Variants in MIA2 observed in about 807,000 individuals in gnomAD.
MIA2 encodes MIA SH3 domain ER export factor 2, also known as melanoma inhibitory activity protein 2.
In MIA2, 127 loss-of-function variants were observed where a neutral mutation model predicts 167.8. The observed-to-expected ratio is 0.76, with a 90% CI of 0.66 to 0.88. The LOEUF is 0.88. Ranked by LOEUF, MIA2 falls within the 40% of genes least tolerant of loss-of-function variation. The pLI is 0.00. For synonymous variants in MIA2, 552 were observed against 541.9 expected, an observed-to-expected ratio of 1.02 and a Z score of -0.26; for missense variants, 1,690 against 1,624.7, an observed-to-expected ratio of 1.04 and a Z score of -0.69.
At chr14:39,312,308 A>G (rs1204616027) in intron 18 of MIA2, among the ~76,000 whole-genome samples, 1 of 152,232 alleles carries the variant, frequency 6.6e-6, no homozygotes, top group African/African-American at 2.4e-5. Context: ...TCTCTCTTCC[A>G]TATCCATGCC....
At chr14:39,315,315 A>T (rs1007424110) in intron 20 of MIA2, 13 of 167,104 alleles carry the variant, frequency 7.8e-5, no homozygotes, top group East Asian at 1.7e-4. Flanking sequence ...AAAAAAAAAA[A>T]AAATAAAATA....
intron 18 of MIA2, 94 bp downstream of exon 18, chr14:39,308,681 T>G: frequency 9.8e-7 from 1 of 1,016,546 alleles, no homozygotes; most frequent in Non-Finnish European, 1.4e-6. Flanking sequence ...TTGAAAGTTC[T>G]CAATTTATGA....
At chr14:39,385,636 C>G in intron 23 of MIA2, 1 of 845,772 alleles carries the variant, frequency 1.2e-6, no homozygotes, top group Non-Finnish European at 2.1e-6. Context: ...TAATATTCTT[C>G]TGGATGTTAG....
chr14:39,336,943 A>G (rs2070556015), intron 25 of MIA2, among the ~76,000 whole-genome samples: 1 of 151,950 alleles, frequency 6.6e-6, no homozygotes. Context: ...GTTTTTGGAG[A>G]CAGGTTTTTG....
At chr14:39,355,478 T>C (rs141904725), downstream of MIA2, among the ~76,000 whole-genome samples, 4,814 of 152,234 alleles carry the variant, frequency 0.032, 275 homozygotes, top group African/African-American at 0.11. Context: ...TTTCTAGATA[T>C]ACAATCATGT....
At chr14:39,366,944 A>G (rs569029621) in intron 23 of MIA2, among the ~76,000 whole-genome samples, 7 of 152,300 alleles carry the variant, frequency 4.6e-5, no homozygotes, top group South Asian at 4.1e-4. Context: ...GTGCAAGTGC[A>G]TGGCCGCTGT....
chr14:39,297,666 C>T (rs867962729), intron 13 of MIA2, among the ~76,000 whole-genome samples: 12 of 140,170 alleles, frequency 8.6e-5, no homozygotes, highest in East Asian at 2.1e-4. Context: ...TAGGGTTTTG[C>T]GTGTGTGTGT....
chr14:39,271,458 TTATCAA>T (rs1228768210), intron 6 of MIA2, among the ~76,000 whole-genome samples: 2 of 152,188 alleles, frequency 1.3e-5, no homozygotes, highest in Admixed American at 1.3e-4. Context: ...TTCTTTTTCT[TTATCAA>T]TATTGTTTTG....
At chr14:39,363,317 A>G (rs1194157737) in intron 23 of MIA2, among the ~76,000 whole-genome samples, 1 of 152,088 alleles carries the variant, frequency 6.6e-6, no homozygotes, top group African/African-American at 2.4e-5. Context: ...TTTTCTTGAG[A>G]CCAGGATTTC....
intron 9 of MIA2, among the ~76,000 whole-genome samples, chr14:39,284,128 A>G (rs992026719): frequency 6.6e-6 from 1 of 152,134 alleles, no homozygotes; most frequent in Non-Finnish European, 1.5e-5. Flanking sequence ...AATTATTGCC[A>G]AGGCCAGTGT....
intron 27 of MIA2, among the ~76,000 whole-genome samples, chr14:39,348,104 C>T (rs968591696): frequency 7.2e-5 from 11 of 152,166 alleles, no homozygotes; most frequent in East Asian, 3.9e-4. Context: ...TGAGCTGCTG[C>T]GCCTGGCCCT....
At chr14:39,266,289 C>T (rs2055619186) in intron 6 of MIA2, 5 of 985,266 alleles carry the variant, frequency 5.1e-6, no homozygotes, top group Non-Finnish European at 6.0e-6. Context: ...TCCTTTACAC[C>T]TACGTCAGCT....
At chr14:39,358,256 T>G (rs2074582430) in intron 23 of MIA2, among the ~76,000 whole-genome samples, 1 of 152,200 alleles carries the variant, frequency 6.6e-6, no homozygotes, top group African/African-American at 2.4e-5. Flanking sequence ...TCGTTTCTTT[T>G]TATTCTTTTT....
chr14:39,261,488 C>A (rs1030762363), intron 6 of MIA2, among the ~76,000 whole-genome samples: 2 of 152,104 alleles, frequency 1.3e-5, no homozygotes, highest in African/African-American at 4.8e-5. Context: ...GATTTATAAT[C>A]CTTTGGGTAT....
At chr14:39,266,393 T>C (rs950852829) in intron 6 of MIA2, 12 of 985,272 alleles carry the variant, frequency 1.2e-5, no homozygotes, top group Non-Finnish European at 1.3e-5. Flanking sequence ...GTGCTACTTT[T>C]AGCTCCTCTT....
intron 14 of MIA2, 23 bp downstream of exon 14, chr14:39,300,009 G>T (rs2062132980): frequency 6.3e-7 from 1 of 1,577,238 alleles, no homozygotes; most frequent in East Asian, 2.3e-5. Flanking sequence ...ACTGGTTTTA[G>T]TGATCAAGTT....
chr14:39,313,228 G>T (rs978878216), intron 18 of MIA2, 112 bp from the exon 19 acceptor site: 1 of 502,872 alleles, frequency 2.0e-6, no homozygotes, highest in Non-Finnish European at 3.5e-6. Context: ...TGTTTTCAGT[G>T]GTATTTTAGA....
At chr14:39,292,608 T>C (rs2060882769) in intron 10 of MIA2, 13 of 257,868 alleles carry the variant, frequency 5.0e-5, no homozygotes, top group South Asian at 4.9e-4. Flanking sequence ...TAATGTAGTA[T>C]GTATTTTTTT....
intron 6 of MIA2, among the ~76,000 whole-genome samples, chr14:39,273,404 G>A (rs746479321): frequency 2.0e-5 from 3 of 152,022 alleles, no homozygotes; most frequent in Non-Finnish European, 2.9e-5. Flanking sequence ...CCAGGCTGGA[G>A]TGCAGTGGCA....
Sources: gnomAD v4.1 joint callset for allele counts (sites outside exome capture counted in the v4.1 genomes callset) on GRCh38, gnomAD v4.1.1 for gene constraint, MANE v1.5 for transcripts, NCBI Gene and HGNC (gene_info 2026-07-23, HGNC 2026-07-21) for gene names.